The following SLIT2 variants were observed in gnomAD, a reference collection of about 807,000 sequenced individuals.
SLIT2 encodes the protein slit guidance ligand 2, also known as slit homolog 2 protein.
SLIT2 carries 41 observed loss-of-function variants against 185.7 expected under a neutral mutation model. The observed-to-expected ratio is 0.22, with a 90% confidence interval of 0.17 to 0.29. The LOEUF (loss-of-function observed/expected upper bound fraction) is 0.29. Among genes scored for constraint, SLIT2 ranks in the 10% least tolerant of loss-of-function variants. The pLI is 1.00. For synonymous variants in SLIT2, 693 were observed against 680.2 expected (o/e 1.02, Z -0.29); for missense variants, 1,571 against 1,909.0 (o/e 0.82, Z 3.30).
chr4:20,594,153 A>ATATG (rs1188694530), intron 30 of SLIT2, among the ~76,000 whole-genome samples: 1 of 148,938 alleles, frequency 6.7e-6, no homozygotes, highest in Non-Finnish European at 1.5e-5. Flanking sequence ...ACACACATAC[A>ATATG]TATGTATGTG....
chr4:20,291,432 G>T (rs1354705305), intron 4 of SLIT2, among the ~76,000 whole-genome samples: 1 of 115,372 alleles, frequency 8.7e-6, no homozygotes, highest in Non-Finnish European at 1.7e-5. Flanking sequence ...TGGTATGTCT[G>T]CTCCTAAGAA....
intron 9 of SLIT2, among the ~76,000 whole-genome samples, chr4:20,502,003 C>A (rs1577798005): frequency 1.3e-5 from 2 of 151,968 alleles, no homozygotes; most frequent in Admixed American, 1.3e-4. Context: ...TTTCTTGTAC[C>A]TAATTTCCCA....
chr4:20,375,241 G>A (rs1345424567), intron 4 of SLIT2, among the ~76,000 whole-genome samples: 1 of 151,984 alleles, frequency 6.6e-6, no homozygotes, highest in Non-Finnish European at 1.5e-5. Flanking sequence ...AATTGTTGAA[G>A]GAAGAATGGT....
At chr4:20,589,868 G>T in intron 30 of SLIT2, 131 bp downstream of exon 30, 6 of 482,084 alleles carry the variant, frequency 1.2e-5, no homozygotes, top group Admixed American at 3.4e-5. Flanking sequence ...TAGTATCAGT[G>T]ACATTTTTTA....
intron 4 of SLIT2, among the ~76,000 whole-genome samples, chr4:20,435,806 T>C (rs920015858): frequency 5.3e-5 from 8 of 152,140 alleles, no homozygotes; most frequent in African/African-American, 1.9e-4. Context: ...GCCTAGAAGG[T>C]CAGGCTAAAT....
Position 20,479,927 on chromosome 4 carries a change from G to A in SLIT2, c.468-789G>A, listed in dbSNP as rs542889301. 5.4e-3 allele frequency among the ~76,000 whole-genome samples: 816 copies of A among 152,208 alleles called. 16 individuals carry two copies. The Middle Eastern group carries it at 0.058, about 11-fold the overall frequency. ...TTTTTATGATGTGCCTGTAGTATAT[G>A]TTTCTTAGTGGCTTTAACCAAAATT... On this transcript the variant is annotated intron_variant, in intron 5 of 36. Coordinates refer to ENST00000504154, the MANE Select transcript of SLIT2 (RefSeq NM_004787.4).
At chr4:20,269,067 G>A (rs1209896336) in intron 4 of SLIT2, among the ~76,000 whole-genome samples, 186 bp downstream of exon 4, 1 of 151,740 alleles carries the variant, frequency 6.6e-6, no homozygotes, top group East Asian at 1.9e-4. Flanking sequence ...GTTTTATTTG[G>A]TTAGGATTTA....
At chr4:20,500,637 A>C (rs916076354) in intron 9 of SLIT2, among the ~76,000 whole-genome samples, 1 of 152,160 alleles carries the variant, frequency 6.6e-6, no homozygotes, top group Non-Finnish European at 1.5e-5. Flanking sequence ...CAAAAATGTT[A>C]AATTATTTAT....
In SLIT2 at chr4:20,488,941, A is replaced by G. The variant is rs200891878; in HGVS notation, c.734A>G (p.His245Arg). Reference sequence around the variant, plus strand: ...ATGGGCCCCTCCCACCTGAGAGGCCATAATGTAGCCGAGGTTCAAAAACGA... The same window carrying G: ...ATGGGCCCCTCCCACCTGAGAGGCCGTAATGTAGCCGAGGTTCAAAAACGA... ...QCMGPSHLRGHNVAEVQKREF... is the reference protein window; with the variant it reads ...QCMGPSHLRGRNVAEVQKREF... Residue 245 changes from histidine (H) to arginine (R), a missense_variant, in exon 8 of 37, where the codon CAT becomes CGT. By Grantham distance (29) the His-to-Arg change is conservative. Transcript: ENST00000504154. 836 of 1,611,898 alleles carry G rather than the reference A, an allele frequency of 5.2e-4. No individual in the cohort carries two copies. The highest frequency in any genetic ancestry group is 6.5e-4 in the Non-Finnish European group (762 of 1,178,224).
intron 4 of SLIT2, among the ~76,000 whole-genome samples, chr4:20,370,268 T>A (rs1319811140): frequency 6.6e-6 from 1 of 152,092 alleles, no homozygotes; most frequent in Non-Finnish European, 1.5e-5. Context: ...AAAGATTGGC[T>A]GGAGTAGACT....
chr4:20,482,013 G>A (rs538371330), intron 6 of SLIT2, among the ~76,000 whole-genome samples: 3 of 152,014 alleles, frequency 2.0e-5, no homozygotes, highest in African/African-American at 7.2e-5. Flanking sequence ...ATACATTTTA[G>A]CTTTAAGACC....
chr4:20,520,062 A>G (rs1483846017), intron 12 of SLIT2, among the ~76,000 whole-genome samples: 1 of 145,662 alleles, frequency 6.9e-6, no homozygotes, highest in Non-Finnish European at 1.5e-5. Context: ...AAAAAAAGAT[A>G]TGGTGATATA....
At chr4:20,556,411 A>G (rs1259413323) in intron 26 of SLIT2, among the ~76,000 whole-genome samples, 1 of 152,036 alleles carries the variant, frequency 6.6e-6, no homozygotes, top group Non-Finnish European at 1.5e-5. Context: ...AATAATGCTA[A>G]TGCTTATCTG....
Position 20,251,933 on chromosome 4 carries a change from C to T in SLIT2, c.-1883C>T, listed in dbSNP as rs557007048. 4.6e-5 allele frequency among the ~76,000 whole-genome samples: 7 copies of T among 152,180 alleles called. No individual in the cohort carries two copies. The highest frequency in any genetic ancestry group is 2.1e-4 in the South Asian group (1 of 4,822). On this transcript the variant is annotated 5_prime_UTR_variant, in exon 1 of 37. Coordinates refer to ENST00000504154, the MANE Select transcript of SLIT2 (RefSeq NM_004787.4). ...TGGTGTTATTTATTTGGGAAGCGCCCGGACGGCGGAGCTTGGCGGCGGCGG... is the reference window on the plus strand; with the variant it reads ...TGGTGTTATTTATTTGGGAAGCGCCTGGACGGCGGAGCTTGGCGGCGGCGG...
intron 4 of SLIT2, among the ~76,000 whole-genome samples, chr4:20,427,288 T>C (rs945474578): frequency 3.3e-5 from 5 of 152,196 alleles, no homozygotes; most frequent in African/African-American, 1.2e-4. Flanking sequence ...ATATCAATGT[T>C]GGTATTTTTA....
chr4:20,583,353 C>T (rs568509812), intron 29 of SLIT2, among the ~76,000 whole-genome samples: 2 of 152,146 alleles, frequency 1.3e-5, no homozygotes, highest in Non-Finnish European at 2.9e-5. Flanking sequence ...ATAGGCAGAT[C>T]ATTCTGTAAG....
chr4:20,262,789 C>T (rs1253080670), intron 3 of SLIT2, among the ~76,000 whole-genome samples: 1 of 151,864 alleles, frequency 6.6e-6, no homozygotes, highest in Non-Finnish European at 1.5e-5. Context: ...TGACGCTGGT[C>T]ATAGAAAGCT....
intron 4 of SLIT2, among the ~76,000 whole-genome samples, chr4:20,372,364 T>TA (rs1455213187): frequency 1.3e-5 from 2 of 152,046 alleles, no homozygotes; most frequent in African/African-American, 4.8e-5. Flanking sequence ...TTTTTTTTTT[T>TA]ACCTCCTTAA....
At chr4:20,330,258 C>A (rs1719951280) in intron 4 of SLIT2, among the ~76,000 whole-genome samples, 1 of 152,152 alleles carries the variant, frequency 6.6e-6, no homozygotes, top group East Asian at 1.9e-4. Flanking sequence ...GGCAACATGG[C>A]TCAAATTAGA....
Sources: gnomAD v4.1 joint callset for allele counts (sites outside exome capture counted in the v4.1 genomes callset) on GRCh38, gnomAD v4.1.1 for gene constraint, MANE v1.5 for transcripts, NCBI Gene and HGNC (gene_info 2026-07-23, HGNC 2026-07-21) for gene names.